Variants in BBX observed in about 807,000 individuals in gnomAD.
The protein encoded by BBX is HMG box transcription factor BBX.
Under a neutral mutation model 100.2 loss-of-function variants are expected in BBX, and 30 were observed. The observed-to-expected ratio is 0.30, with a 90% CI of 0.22 to 0.41. The LOEUF (loss-of-function observed/expected upper bound fraction) is 0.41, where lower values mean the gene tolerates loss of function less well. BBX is among the 10% of genes least tolerant of loss of function. BBX has a pLI of 1.00. For missense variants in BBX, 1,023 were observed against 1,129.8 expected (o/e 0.91, Z 1.35); for synonymous variants, 376 against 388.1 (o/e 0.97, Z 0.37).
chr3:107,777,064 A>G (rs1178695732), intron 12 of BBX, among the ~76,000 whole-genome samples: 1 of 152,194 alleles, frequency 6.6e-6, no homozygotes, highest in East Asian at 1.9e-4. Context: ...TAAACAACTC[A>G]TAAGTTTTAA....
chr3:107,559,588 C>G (rs1398587669), intron 2 of BBX, among the ~76,000 whole-genome samples: 6 of 152,084 alleles, frequency 3.9e-5, no homozygotes, highest in African/African-American at 1.4e-4. Flanking sequence ...AGATGTCAAG[C>G]AAGTACTGGA....
chr3:107,695,136 C>CA (rs1198432849), intron 3 of BBX, among the ~76,000 whole-genome samples: 1 of 127,202 alleles, frequency 7.9e-6, no homozygotes, highest in Non-Finnish European at 1.6e-5. Context: ...TTGATCCTTT[C>CA]AAAAAACCAG....
chr3:107,610,295 A>G (rs2054746509), intron 2 of BBX, among the ~76,000 whole-genome samples: 1 of 152,090 alleles, frequency 6.6e-6, no homozygotes, highest in Non-Finnish European at 1.5e-5. Context: ...ATTTTTTAGA[A>G]TGATCCATGT....
chr3:107,631,793 G>A (rs928680468), intron 2 of BBX, among the ~76,000 whole-genome samples: 5 of 152,038 alleles, frequency 3.3e-5, no homozygotes, highest in Admixed American at 1.3e-4. Context: ...GCCTTGTGTC[G>A]TCTAAGAAAT....
chr3:107,783,088 T>G (rs893953251), intron 13 of BBX, among the ~76,000 whole-genome samples: 7 of 152,120 alleles, frequency 4.6e-5, no homozygotes, highest in Admixed American at 4.6e-4. Context: ...TATTTGCTAT[T>G]TATTACAGAT....
intron 3 of BBX, among the ~76,000 whole-genome samples, chr3:107,697,761 C>G (rs1044472920): frequency 2.6e-5 from 4 of 151,848 alleles, no homozygotes; most frequent in Non-Finnish European, 1.5e-5. Context: ...TTTACCTAAG[C>G]AAGCCTGGGC....
At chr3:107,762,475 C>T (rs1395756274) in intron 10 of BBX, among the ~76,000 whole-genome samples, 1 of 152,196 alleles carries the variant, frequency 6.6e-6, no homozygotes, top group Non-Finnish European at 1.5e-5. Context: ...CAGAAACCAT[C>T]AACCAGTGTA....
At chr3:107,777,312 A>G (rs1167603428) in intron 12 of BBX, among the ~76,000 whole-genome samples, 4 of 152,130 alleles carry the variant, frequency 2.6e-5, no homozygotes, top group South Asian at 2.1e-4. Context: ...CCTGTTGACC[A>G]TTCAGTTGGT....
intron 17 of BBX, among the ~76,000 whole-genome samples, chr3:107,801,765 G>C (rs2070511332): frequency 6.6e-6 from 1 of 152,120 alleles, no homozygotes; most frequent in Non-Finnish European, 1.5e-5. Context: ...CCCCTTATTG[G>C]TGATGGTGTT....
chr3:107,753,407 A>G (rs572711670), intron 9 of BBX, among the ~76,000 whole-genome samples: 2 of 150,150 alleles, frequency 1.3e-5, no homozygotes, highest in Admixed American at 6.6e-5. Context: ...CCCCCCACAC[A>G]TGCCCTTTTG....
At chr3:107,587,367 G>A (rs939482401) in intron 2 of BBX, among the ~76,000 whole-genome samples, 1 of 149,210 alleles carries the variant, frequency 6.7e-6, no homozygotes, top group African/African-American at 2.5e-5. Context: ...AAAAAAAGGA[G>A]TGAAATTACT....
At chr3:107,704,900 G>C (rs931966198) in intron 3 of BBX, among the ~76,000 whole-genome samples, 2 of 152,180 alleles carry the variant, frequency 1.3e-5, no homozygotes, top group African/African-American at 4.8e-5. Flanking sequence ...GATAAAAGAA[G>C]AGATATTTGA....
chr3:107,641,830 C>G (rs2057231152), intron 2 of BBX: 1 of 152,204 alleles, frequency 6.6e-6, no homozygotes. Flanking sequence ...TGTGAAACAG[C>G]TGTGGTTTAA....
Position 107,716,655 on chromosome 3 carries a change from G to A in BBX, c.211G>A (p.Glu71Lys), listed in dbSNP as rs2062129019. ...DGLEQDVGET[E>K]DDESPEQRAR... ...CCTAGAGCAAGATGTTGGTGAAACTGAAGATGATGAATCACCAGAGCAGCG... is the reference window on the plus strand; with the variant it reads ...CCTAGAGCAAGATGTTGGTGAAACTAAAGATGATGAATCACCAGAGCAGCG... Residue 71 changes from glutamate to lysine, a missense_variant, in exon 5 of 18, where the codon GAA (glutamate) becomes AAA (lysine). Glu to Lys is a moderately conservative substitution (Grantham distance 56). Transcript: ENST00000325805. 12 of 1,613,812 alleles carry A rather than the reference G, an allele frequency of 7.4e-6. No individual in the cohort carries two copies. In the East Asian group the frequency reaches 2.7e-4, roughly 36 times the overall value.
intron 9 of BBX, among the ~76,000 whole-genome samples, chr3:107,749,778 T>TG (rs1275731350): frequency 2.6e-5 from 4 of 151,844 alleles, no homozygotes; most frequent in African/African-American, 9.7e-5. Context: ...GGATTACAGG[T>TG]GTCCACCACC....
At chr3:107,530,047 G>A (rs769922407) in intron 2 of BBX, among the ~76,000 whole-genome samples, 13 of 152,130 alleles carry the variant, frequency 8.5e-5, no homozygotes, top group Non-Finnish European at 1.2e-4. Context: ...ATGTAAGTTC[G>A]AGAATCTAGA....
At position 107,643,881 on chromosome 3, in the gene BBX, A is replaced by G. The variant is rs546352607; in HGVS notation, c.-83-1955A>G. Among the ~76,000 whole-genome samples the G allele has an allele frequency of 7.9e-5, 12 of 152,252 alleles. No individual in the cohort carries two copies. In the South Asian group the frequency reaches 2.1e-3, roughly 26 times the overall value. ...CAGAGAACTCAAAGGCCTGTGATAG[A>G]CTTATCACAGGCAGGACCCTCAGCC... On this transcript the variant is annotated intron_variant, in intron 2 of 17. Coordinates refer to ENST00000325805, the MANE Select transcript of BBX (RefSeq NM_001142568.3).
At chr3:107,584,096 TATA>T in intron 2 of BBX, among the ~76,000 whole-genome samples, 1 of 8,980 alleles carries the variant, frequency 1.1e-4, no homozygotes, top group East Asian at 7.5e-4. Flanking sequence ...TATCATATAT[TATA>T]TATATTATAT....
intron 13 of BBX, among the ~76,000 whole-genome samples, chr3:107,781,676 G>T (rs1038966945): frequency 6.6e-6 from 1 of 152,036 alleles, no homozygotes; most frequent in African/African-American, 2.4e-5. Context: ...TTTTTCAGTG[G>T]AAGTAGGATC....
Sources: gnomAD v4.1 joint callset for allele counts (sites outside exome capture counted in the v4.1 genomes callset) on GRCh38, gnomAD v4.1.1 for gene constraint, MANE v1.5 for transcripts, NCBI Gene and HGNC (gene_info 2026-07-23, HGNC 2026-07-21) for gene names.